Variants in FUT8 observed in about 807,000 individuals in gnomAD.
FUT8 encodes alpha-(1,6)-fucosyltransferase.
In FUT8, 29 loss-of-function variants were observed where a neutral mutation model predicts 71.3. The observed-to-expected ratio is 0.41, with a 90% CI of 0.30 to 0.55. The LOEUF is 0.55. FUT8 is among the 20% of genes least tolerant of loss of function. The probability of loss-of-function intolerance (pLI) is 0.34; values close to 1 mark genes in which losing one functional copy is unlikely to be tolerated. For synonymous variants in FUT8, 254 were observed against 239.3 expected, an observed-to-expected ratio of 1.06 and a Z score of -0.57; for missense variants, 544 against 702.1, an observed-to-expected ratio of 0.77 and a Z score of 2.55.
chr14:65,678,771 T>C (rs1264473494), intron 7 of FUT8, among the ~76,000 whole-genome samples: 1 of 152,170 alleles, frequency 6.6e-6, no homozygotes, highest in African/African-American at 2.4e-5. Context: ...TCTTTTTTTC[T>C]AAACACTGCA....
At chr14:65,633,705 G>A (rs542973179) in intron 6 of FUT8, among the ~76,000 whole-genome samples, 1,519 of 151,130 alleles carry the variant, frequency 0.01, 19 homozygotes, top group African/African-American at 0.035. Context: ...GTCTCTGCCC[G>A]GCTGCCCCAT....
At chr14:65,407,097 G>T (rs2065091340), upstream of FUT8, among the ~76,000 whole-genome samples, 1 of 152,084 alleles carries the variant, frequency 6.6e-6, no homozygotes, top group African/African-American at 2.4e-5. Context: ...TCAAACTGGG[G>T]GGCCATTGGT....
chr14:65,711,429 T>C (rs1290218165), intron 7 of FUT8, among the ~76,000 whole-genome samples: 1 of 152,198 alleles, frequency 6.6e-6, no homozygotes. Context: ...ATTTTGCTTT[T>C]ACTTACAGGA....
chr14:65,393,237 C>T, the FUT8 span, among the ~76,000 whole-genome samples: 2 of 152,140 alleles, frequency 1.3e-5, no homozygotes, highest in Non-Finnish European at 2.9e-5. Flanking sequence ...CCCCAGATAA[C>T]CTAGATGGAG....
chr14:65,621,955 C>T (rs987025247), intron 5 of FUT8, among the ~76,000 whole-genome samples: 11 of 152,092 alleles, frequency 7.2e-5, no homozygotes, highest in African/African-American at 2.7e-4. Flanking sequence ...CTCCGGGTAG[C>T]TGGGACTACA....
chr14:65,558,622 G>A (rs1885730616), intron 2 of FUT8, among the ~76,000 whole-genome samples: 1 of 152,148 alleles, frequency 6.6e-6, no homozygotes, highest in African/African-American at 2.4e-5. Context: ...TATGGCGTTT[G>A]TATTTTAGCA....
chr14:65,506,711 A>G (rs1178995436), intron 2 of FUT8, among the ~76,000 whole-genome samples: 3 of 152,194 alleles, frequency 2.0e-5, no homozygotes, highest in African/African-American at 7.2e-5. Context: ...ACAGGCGTGC[A>G]ATGTGTAAAA....
At chr14:65,435,831 G>A (rs2065547971) in intron 1 of FUT8, among the ~76,000 whole-genome samples, 1 of 142,560 alleles carries the variant, frequency 7.0e-6, no homozygotes, top group South Asian at 2.2e-4. Context: ...TATAATAGGT[G>A]TATAGTTGTA....
intron 3 of FUT8, among the ~76,000 whole-genome samples, chr14:65,588,474 T>A (rs1365345489): frequency 2.0e-5 from 3 of 152,214 alleles, no homozygotes; most frequent in Non-Finnish European, 4.4e-5. Flanking sequence ...TGTGTCTGAC[T>A]TTTCCACAAA....
intron 2 of FUT8, among the ~76,000 whole-genome samples, chr14:65,478,053 C>G (rs80023349): frequency 0.02 from 3,097 of 152,168 alleles, 133 homozygotes; most frequent in South Asian, 0.17. Flanking sequence ...TGAGAGCCCT[C>G]TAAGTAAACT....
intron 5 of FUT8, among the ~76,000 whole-genome samples, chr14:65,619,827 T>C (rs1177578616): frequency 6.6e-6 from 1 of 152,250 alleles, no homozygotes; most frequent in Non-Finnish European, 1.5e-5. Flanking sequence ...TAGCTTTTGA[T>C]ATCATTGATC....
At chr14:65,632,052 A>G (rs531451003) in intron 6 of FUT8, among the ~76,000 whole-genome samples, 8 of 152,242 alleles carry the variant, frequency 5.3e-5, no homozygotes, top group Non-Finnish European at 1.2e-4. Flanking sequence ...ATGGCCAAAT[A>G]GTATTCCACT....
chr14:65,411,894 C>G (rs779335082), upstream of FUT8: 14 of 375,566 alleles, frequency 3.7e-5, no homozygotes, highest in Admixed American at 1.1e-4. Flanking sequence ...GCGGCGCGCT[C>G]CGGTCCTCCC....
At chr14:65,725,602 A>G (rs1466404574) in intron 9 of FUT8, among the ~76,000 whole-genome samples, 1 of 151,982 alleles carries the variant, frequency 6.6e-6, no homozygotes, top group Non-Finnish European at 1.5e-5. Flanking sequence ...TGTGTTCCCC[A>G]CTCTGTACAG....
intron 6 of FUT8, among the ~76,000 whole-genome samples, chr14:65,654,457 A>G (rs1327665028): frequency 2.0e-5 from 3 of 152,034 alleles, no homozygotes; most frequent in Non-Finnish European, 2.9e-5. Context: ...GCATGGTGGC[A>G]TGTGCCTGTA....
chr14:65,446,428 C>T (rs550777364), intron 1 of FUT8, among the ~76,000 whole-genome samples: 70 of 152,276 alleles, frequency 4.6e-4, no homozygotes, highest in African/African-American at 1.5e-3. Context: ...CGTTAGCAGC[C>T]ATTGATACTC....
At position 65,561,451 on chromosome 14, in the gene FUT8, A is replaced by G; in HGVS notation, c.-113A>G. The G allele has an allele frequency of 1.1e-6, 1 of 904,026 alleles. No individual in the cohort carries two copies. The highest frequency in any genetic ancestry group is 1.8e-6 in the Non-Finnish European group (1 of 567,858). The allele number at this position is 904,026 out of a possible 1,614,324, so 56.0% of individuals were successfully genotyped here. The stretch of plus-strand genomic sequence containing the variant: ...GAGAGAATAATTTGTCTGAAGCATC[A>G]TGTGTTGAAACAACAGAAGTCTATT... On this transcript the variant is annotated 5_prime_UTR_variant, in exon 3 of 11. An upstream start codon of the reference 5' UTR is lost. Transcript: ENST00000673929.
intron 1 of FUT8, among the ~76,000 whole-genome samples, chr14:65,422,623 C>T (rs565542293): frequency 1.8e-4 from 28 of 151,984 alleles, no homozygotes; most frequent in East Asian, 1.9e-4. Context: ...CTCAGCCTCC[C>T]GAATAGCTGG....
intron 6 of FUT8, among the ~76,000 whole-genome samples, chr14:65,648,953 T>C (rs1566874150): frequency 6.6e-6 from 1 of 152,190 alleles, no homozygotes; most frequent in East Asian, 1.9e-4. Flanking sequence ...TTTGGAGAAG[T>C]AGGGAGTCTC....
Sources: allele counts gnomAD v4.1 joint callset (sites outside exome capture counted in the v4.1 genomes callset), GRCh38; gene constraint gnomAD v4.1.1; transcripts MANE v1.5; gene names NCBI Gene and HGNC (gene_info 2026-07-23, HGNC 2026-07-21).